Variants in PTPRG observed in about 807,000 individuals in gnomAD.
PTPRG encodes the protein receptor-type tyrosine-protein phosphatase gamma.
In PTPRG, 102 loss-of-function variants were observed where a neutral mutation model predicts 165.3. The ratio of observed to expected loss-of-function variants is 0.62; its 90% CI spans 0.53 to 0.73. The LOEUF (loss-of-function observed/expected upper bound fraction) is 0.73, where lower values mean the gene tolerates loss of function less well. Among genes scored for constraint, PTPRG ranks in the 30% least tolerant of loss-of-function variants. The pLI is 0.00. For missense variants in PTPRG, 1,866 were observed against 1,861.4 expected (o/e 1.00, Z -0.05); for synonymous variants, 675 against 669.5 (o/e 1.01, Z -0.13).
chr3:62,158,090 G>C (rs1271568670), intron 7 of PTPRG, among the ~76,000 whole-genome samples: 1 of 152,140 alleles, frequency 6.6e-6, no homozygotes, highest in Non-Finnish European at 1.5e-5. Context: ...AACACTTCAT[G>C]GGAAGGCATG....
chr3:62,081,433 C>T (rs1701577469), intron 5 of PTPRG, among the ~76,000 whole-genome samples: 1 of 152,110 alleles, frequency 6.6e-6, no homozygotes. Context: ...GCCTCCAACT[C>T]CTGGGTTCAA....
intron 1 of PTPRG, among the ~76,000 whole-genome samples, chr3:61,699,364 C>T (rs2030818163): frequency 6.6e-6 from 1 of 152,124 alleles, no homozygotes; most frequent in South Asian, 2.1e-4. Context: ...CTTTTGCATT[C>T]AATCTGTTGT....
chr3:62,126,134 G>T (rs1703282815), intron 5 of PTPRG, among the ~76,000 whole-genome samples: 1 of 152,172 alleles, frequency 6.6e-6, no homozygotes, highest in African/African-American at 2.4e-5. Flanking sequence ...ATTTTGTACG[G>T]ATTTGCTACC....
intron 1 of PTPRG, among the ~76,000 whole-genome samples, chr3:61,574,747 G>A (rs938182784): frequency 2.6e-5 from 4 of 152,192 alleles, no homozygotes; most frequent in Admixed American, 6.5e-5. Flanking sequence ...TCGAGGGCAC[G>A]GCCCTGGTGT....
intron 8 of PTPRG, among the ~76,000 whole-genome samples, chr3:62,185,640 C>T (rs1705848427): frequency 6.6e-6 from 1 of 152,188 alleles, no homozygotes. Context: ...AATGGTTGCT[C>T]TCCTGCTCTA....
rs1701740821 is a variant in PTPRG at position 62,262,827 on chromosome 3, C to T, written c.2589C>T (p.Asn863=). 6.2e-7 allele frequency: 1 copy of T among 1,613,804 alleles called. No individual in the cohort carries two copies. The highest frequency in any genetic ancestry group is 8.5e-7 in the Non-Finnish European group (1 of 1,179,784). The change falls in exon 17 of 30, where the codon AAC becomes AAT. Residue 863 remains asparagine (N), a synonymous_variant. Coordinates refer to ENST00000474889, the MANE Select transcript of PTPRG (RefSeq NM_002841.4). The stretch of plus-strand genomic sequence containing the variant: ...TCCAGCGCTGTACTGCTGATATGAA[C>T]ATCACTGCAGAGCATTCCAATCATC... ...EEVQRCTADM[N]ITAEHSNHPE...
At chr3:62,186,547 A>C (rs1205632309) in intron 8 of PTPRG, among the ~76,000 whole-genome samples, 5 of 132,978 alleles carry the variant, frequency 3.8e-5, no homozygotes, top group Non-Finnish European at 8.0e-5. Flanking sequence ...AGGGTGTTGA[A>C]GCTGGATTTT....
chr3:61,641,714 T>C (rs906049605), intron 1 of PTPRG, among the ~76,000 whole-genome samples: 22 of 152,246 alleles, frequency 1.4e-4, no homozygotes, highest in African/African-American at 2.4e-5. Context: ...TCATGAAATC[T>C]GATTTTAAAA....
At chr3:61,932,610 T>C (rs1025534451) in intron 2 of PTPRG, among the ~76,000 whole-genome samples, 1 of 152,190 alleles carries the variant, frequency 6.6e-6, no homozygotes, top group African/African-American at 2.4e-5. Context: ...CAAGCTAGCA[T>C]TGTAGTGCAT....
At chr3:61,886,494 G>A (rs2038041781) in intron 2 of PTPRG, among the ~76,000 whole-genome samples, 1 of 152,138 alleles carries the variant, frequency 6.6e-6, no homozygotes. Flanking sequence ...GTAAGATAGT[G>A]TTGAAGGATA....
intron 6 of PTPRG, among the ~76,000 whole-genome samples, chr3:62,133,960 A>G (rs1378116713): frequency 6.6e-6 from 1 of 152,020 alleles, no homozygotes; most frequent in East Asian, 1.9e-4. Flanking sequence ...TCCAGCCTGG[A>G]CAACAGAGAG....
intron 1 of PTPRG, among the ~76,000 whole-genome samples, chr3:61,734,080 C>T (rs1303166322): frequency 6.6e-6 from 1 of 152,200 alleles, no homozygotes; most frequent in Non-Finnish European, 1.5e-5. Context: ...CCACGCCCAG[C>T]CAACATCTGT....
Position 62,233,503 on chromosome 3 carries a change from C to T in PTPRG, c.2375+2192C>T, listed in dbSNP as rs987497191. Reference sequence around the variant, plus strand: ...GAGGCTGGAATGCAAGCCCTTCAACCAGGCTCTCTCTCACCTTTGCCTTTT... The same window carrying T: ...GAGGCTGGAATGCAAGCCCTTCAACTAGGCTCTCTCTCACCTTTGCCTTTT... On this transcript the variant is annotated intron_variant, in intron 14 of 29. Coordinates refer to ENST00000474889, the MANE Select transcript of PTPRG (RefSeq NM_002841.4). The surrounding 1 kb of genome is among the most constrained non-coding windows in gnomAD (Gnocchi z 4.7). Among the ~76,000 whole-genome samples, 1 of 152,304 alleles carries T rather than the reference C, an allele frequency of 6.6e-6. No homozygotes were observed. The highest frequency in any genetic ancestry group is 2.4e-5 in the African/African-American group (1 of 41,566).
At chr3:62,036,768 C>T (rs1320040214) in intron 4 of PTPRG, among the ~76,000 whole-genome samples, 3 of 152,178 alleles carry the variant, frequency 2.0e-5, no homozygotes, top group Admixed American at 6.5e-5. Context: ...AGGTAATGTG[C>T]TTCAAAACAA....
chr3:61,875,740 A>G (rs2037722201), intron 2 of PTPRG, among the ~76,000 whole-genome samples: 1 of 152,102 alleles, frequency 6.6e-6, no homozygotes, highest in African/African-American at 2.4e-5. Flanking sequence ...GAGTGCCATC[A>G]TTTCTCGCAG....
chr3:62,003,602 T>G, intron 4 of PTPRG, 105 bp downstream of exon 4: 43 of 1,339,106 alleles, frequency 3.2e-5, no homozygotes, highest in Non-Finnish European at 3.8e-5. Flanking sequence ...AGCTGTACAG[T>G]ACCTAACTTC....
intron 2 of PTPRG, among the ~76,000 whole-genome samples, chr3:61,876,171 C>A (rs1349242234): frequency 6.6e-6 from 1 of 152,092 alleles, no homozygotes; most frequent in Non-Finnish European, 1.5e-5. Flanking sequence ...TACTCCAGTC[C>A]TGGGATGACA....
intron 15 of PTPRG, among the ~76,000 whole-genome samples, chr3:62,249,880 G>A (rs1701372548): frequency 6.6e-6 from 1 of 152,114 alleles, no homozygotes; most frequent in African/African-American, 2.4e-5. Flanking sequence ...AAGAACCCAG[G>A]CTTTGGAGTC....
intron 1 of PTPRG, among the ~76,000 whole-genome samples, chr3:61,710,441 C>T (rs4688659): frequency 0.14 from 20,626 of 151,960 alleles, 1,537 homozygotes; most frequent in East Asian, 0.17. Context: ...AGTAAGTAAA[C>T]GAAGGCTTAG....
Sources: allele counts gnomAD v4.1 joint callset (sites outside exome capture counted in the v4.1 genomes callset), GRCh38; gene constraint gnomAD v4.1.1; non-coding constraint Gnocchi (gnomAD v3.1); transcripts MANE v1.5; gene names NCBI Gene and HGNC (gene_info 2026-07-23, HGNC 2026-07-21).